Variants in PAK6 observed in about 807,000 individuals in gnomAD.
PAK6 encodes p21 (RAC1) activated kinase 6, also known as serine/threonine-protein kinase PAK 6.
Under a neutral mutation model 60.8 loss-of-function variants are expected in PAK6, and 33 were observed. The observed-to-expected ratio is 0.54, with a 90% CI of 0.41 to 0.73. The LOEUF (loss-of-function observed/expected upper bound fraction) is 0.73. Among genes scored for constraint, PAK6 ranks in the 30% least tolerant of loss-of-function variants. The probability of loss-of-function intolerance (pLI) is 0.00; values close to 1 mark genes in which losing one functional copy is unlikely to be tolerated. For synonymous variants in PAK6, 404 were observed against 378.5 expected (o/e 1.07, Z -0.78); for missense variants, 845 against 904.1 (o/e 0.93, Z 0.84).
intron 2 of PAK6, among the ~76,000 whole-genome samples, chr15:40,247,859 T>C (rs537428598): frequency 6.6e-6 from 1 of 152,272 alleles, no homozygotes; most frequent in Admixed American, 6.5e-5. Context: ...GGGATTCTAC[T>C]CCATGGCACA....
At chr15:40,274,598 C>T (rs1398874697) in intron 10 of PAK6, among the ~76,000 whole-genome samples, 1 of 152,242 alleles carries the variant, frequency 6.6e-6, no homozygotes, top group Non-Finnish European at 1.5e-5. Flanking sequence ...CCAGCAATCC[C>T]TGCTGTCCAG....
At chr15:40,273,797 T>A (rs1441015958) in intron 9 of PAK6, 121 bp downstream of exon 9, 6 of 1,179,216 alleles carry the variant, frequency 5.1e-6, no homozygotes, top group Non-Finnish European at 7.2e-6. Context: ...TCCCACCTAG[T>A]CAACACCCTT....
exon 5 of PAK6, chr15:40,266,009 C>T (rs200035365): frequency 5.6e-6 from 9 of 1,600,564 alleles, no homozygotes; most frequent in East Asian, 2.3e-5. Context: ...ACTGGGCCAC[C>T]GACCCAGACA....
chr15:40,275,280 G>GGTTTTTTTTT (rs1555389200), intron 10 of PAK6, among the ~76,000 whole-genome samples: 1 of 56,486 alleles, frequency 1.8e-5, no homozygotes, highest in African/African-American at 7.2e-5. Context: ...GTTGTTGTTG[G>GGTTTTTTTTT]TTTTTTTTTT....
At chr15:40,274,196 C>A in exon 10 of PAK6, 1 of 1,613,974 alleles carries the variant, frequency 6.2e-7, no homozygotes, top group African/African-American at 1.3e-5. Flanking sequence ...TGGGGAGCCA[C>A]CGTACTTCAG....
chr15:40,263,853 G>A, intron 3 of PAK6: 1 of 454,206 alleles, frequency 2.2e-6, no homozygotes, highest in Non-Finnish European at 4.4e-6. Context: ...CTGACCTCAG[G>A]TGATCCACCC....
intron 3 of PAK6, 75 bp from the exon 4 acceptor site, chr15:40,264,706 A>C: frequency 7.6e-7 from 1 of 1,311,168 alleles, no homozygotes; most frequent in Non-Finnish European, 1.1e-6. Context: ...GGGAGCCCTG[A>C]ACCTGGTGCC....
chr15:40,256,540 C>T (rs868440788), intron 3 of PAK6, among the ~76,000 whole-genome samples: 2 of 152,146 alleles, frequency 1.3e-5, no homozygotes, highest in Non-Finnish European at 2.9e-5. Context: ...TTGTAGCACT[C>T]GGGGCTCACC....
At chr15:40,258,518 C>T (rs1488937954) in intron 3 of PAK6, 2 of 152,246 alleles carry the variant, frequency 1.3e-5, no homozygotes, top group African/African-American at 4.8e-5. Flanking sequence ...TCGGAAGGGG[C>T]TTAGCACATA....
intron 10 of PAK6, among the ~76,000 whole-genome samples, chr15:40,275,293 T>C (rs1187784880): frequency 8.5e-6 from 1 of 117,656 alleles, no homozygotes; most frequent in East Asian, 2.3e-4. Flanking sequence ...TTTTTTTTTT[T>C]TTTTTTTTTG....
chr15:40,242,409 C>T (rs531738627), intron 2 of PAK6, among the ~76,000 whole-genome samples: 7 of 152,358 alleles, frequency 4.6e-5, no homozygotes, highest in South Asian at 4.1e-4. Context: ...ATGCGCTCGT[C>T]GCCCTGAGCA....
At chr15:40,243,339 A>G (rs1478373060) in intron 2 of PAK6, among the ~76,000 whole-genome samples, 3 of 152,154 alleles carry the variant, frequency 2.0e-5, no homozygotes, top group Non-Finnish European at 4.4e-5. Context: ...CATGAGCCTC[A>G]GGCCCGGTGC....
intron 5 of PAK6, among the ~76,000 whole-genome samples, chr15:40,269,878 C>T (rs1477554404): frequency 1.3e-5 from 2 of 152,248 alleles, no homozygotes; most frequent in African/African-American, 2.4e-5. Context: ...CTACCTCAGC[C>T]TGTCCACGTG....
intron 8 of PAK6, 22 bp from the exon 9 acceptor site, chr15:40,273,529 C>T (rs530025435): frequency 1.4e-4 from 230 of 1,613,938 alleles, no homozygotes; most frequent in South Asian, 2.1e-4. Flanking sequence ...TGATCCACCA[C>T]TCACTCCCTT....
At chr15:40,251,425 T>G (rs183885930) in intron 2 of PAK6, 107 of 152,288 alleles carry the variant, frequency 7.0e-4, no homozygotes, top group African/African-American at 2.5e-3. Flanking sequence ...TTAGAGTAAA[T>G]TGTGTGAAAC....
intron 2 of PAK6, chr15:40,252,808 G>A: frequency 1.5e-6 from 2 of 1,296,374 alleles, no homozygotes; most frequent in South Asian, 1.2e-5. Flanking sequence ...GCCAGGCGAG[G>A]GGCCTTGGGC....
chr15:40,253,120 AC>A (rs1210739505), intron 2 of PAK6, 57 bp from the exon 3 acceptor site: 1 of 430,536 alleles, frequency 2.3e-6, no homozygotes, highest in African/African-American at 2.0e-5. Context: ...CAGTCGCAAC[AC>A]CCGCGGGAAC....
chr15:40,266,824 G>C, intron 5 of PAK6: 1 of 283,502 alleles, frequency 3.5e-6, no homozygotes, highest in African/African-American at 2.2e-5. Flanking sequence ...GACTGCTTCA[G>C]ACGCACATTT....
chr15:40,241,681 C>T lies in PAK6; in HGVS notation c.-118+1000C>T, dbSNP rs560743109. Among the ~76,000 whole-genome samples, 8 of 152,248 alleles carry T rather than the reference C, an allele frequency of 5.3e-5. No homozygotes were observed. In the East Asian group the frequency reaches 9.6e-4, roughly 18 times the overall value. On this transcript the variant is annotated intron_variant, in intron 2 of 10. Coordinates refer to ENST00000560346, the Ensembl canonical transcript of PAK6. ...TGAGAGGGGGAGTGTGGGGACTGCACGGCCTCTCCAGTGCCCCGAGGACAA... is the reference window on the plus strand; with the variant it reads ...TGAGAGGGGGAGTGTGGGGACTGCATGGCCTCTCCAGTGCCCCGAGGACAA...
Sources: gnomAD v4.1 joint callset for allele counts (sites outside exome capture counted in the v4.1 genomes callset) on GRCh38, gnomAD v4.1.1 for gene constraint, MANE v1.5 for transcripts, NCBI Gene and HGNC (gene_info 2026-07-23, HGNC 2026-07-21) for gene names.